The following ENOSF1 variants were observed in gnomAD, a reference collection of about 807,000 sequenced individuals.
ENOSF1 encodes the protein enolase superfamily member 1, also known as mitochondrial enolase superfamily member 1.
ENOSF1 carries 73 observed loss-of-function variants against 68.2 expected under a neutral mutation model. The ratio of observed to expected loss-of-function variants is 1.07; its 90% CI spans 0.89 to 1.30. The LOEUF (loss-of-function observed/expected upper bound fraction) is 1.30. ENOSF1 is among the 50% of genes most tolerant of loss of function. The probability of loss-of-function intolerance (pLI) is 0.00; values close to 1 mark genes in which losing one functional copy is unlikely to be tolerated. For missense variants in ENOSF1, 589 were observed against 554.5 expected (o/e 1.06, Z -0.62); for synonymous variants, 223 against 210.4 (o/e 1.06, Z -0.52).
chr18:697,478 C>T lies in ENOSF1; in HGVS notation c.194-123G>A, dbSNP rs1244370416. The T allele has an allele frequency of 1.2e-5, 9 of 748,696 alleles. No individual in the cohort carries two copies. In the Admixed American group the frequency reaches 1.5e-4, roughly 13 times the overall value. The allele number at this position is 748,696 out of a possible 1,614,324, so 46.4% of individuals were successfully genotyped here. A position where few individuals can be genotyped will look rare whatever the true frequency, so the allele number is the denominator to read the frequency against. On this transcript the variant is annotated intron_variant, in intron 2 of 15. Transcript: ENST00000647584. ...GAAAAAATTAAATCTAGGCCAGGCG[C>T]GGTGGCTCATGCCTGTAATCTCAAC...
At position 686,346 on chromosome 18, in the gene ENOSF1, C is replaced by T. The variant is rs193188668; in HGVS notation, c.654-338G>A. On this transcript the variant is annotated intron_variant, in intron 9 of 15. Coordinates refer to ENST00000647584, the MANE Select transcript of ENOSF1 (RefSeq NM_017512.7). ...CCACAGTGAGAACTGAAGAGGAGAG[C>T]GGGGCTGAAAAGGGGTGCCGAGTAA... is the stretch of plus-strand genomic sequence containing the variant. The T allele has an allele frequency of 7.0e-5, 19 of 270,492 alleles. No homozygotes were observed. In the South Asian group the frequency reaches 7.1e-4, roughly 10 times the overall value. 16.8% of individuals were successfully genotyped at this position (270,492 alleles called of 1,614,324 possible).
chr18:686,110 A>G, intron 9 of ENOSF1, 102 bp from the exon 10 acceptor site: 10 of 836,830 alleles, frequency 1.2e-5, no homozygotes, highest in South Asian at 2.8e-5. Flanking sequence ...CAATTCACAG[A>G]TATGTTTTTT....
rs763566289 is a variant in ENOSF1, at chr18:683,377, T to A, written c.745A>T (p.Met249Leu). The part of the protein sequence containing the change: ...DMIGPEKTLM[M>L]DANQRWDVPE... ...ACATCCCAGCGCTGGTTGGCATCCATCATCTGCAAAAAGAGACTCTTCACA... is the reference window on the plus strand; with the variant it reads ...ACATCCCAGCGCTGGTTGGCATCCAACATCTGCAAAAAGAGACTCTTCACA... Residue 249 changes from methionine to leucine, a missense_variant, in exon 11 of 16, where the codon ATG (methionine) becomes TTG (leucine). Transcript: ENST00000647584. 1 of 1,613,924 alleles carries A rather than the reference T, an allele frequency of 6.2e-7. No homozygotes were observed. The highest frequency in any genetic ancestry group is 2.2e-5 in the East Asian group (1 of 44,840).
downstream of ENOSF1, among the ~76,000 whole-genome samples, chr18:668,421 A>C (rs2144329551): frequency 6.6e-6 from 1 of 152,328 alleles, no homozygotes; most frequent in Middle Eastern, 3.4e-3. Context: ...CTCAGAAGGA[A>C]GGAAAGGGAT....
chr18:697,089 C>T (rs759867967), intron 3 of ENOSF1, 151 bp downstream of exon 3: 6 of 647,028 alleles, frequency 9.3e-6, no homozygotes, highest in African/African-American at 5.5e-5. Context: ...TGCACTCCAA[C>T]GTGGGTGACA....
chr18:690,872 A>G (rs2077086761), intron 7 of ENOSF1, 196 bp downstream of exon 7: 1 of 1,322,002 alleles, frequency 7.6e-7, no homozygotes, highest in Non-Finnish European at 1.0e-6. Context: ...ACTTCCTTTC[A>G]GCAGTGGCTG....
rs1244743858 is a variant in ENOSF1 at position 671,748 on chromosome 18, C to T, written c.*2557G>A. The stretch of plus-strand genomic sequence containing the variant: ...AAGGGGGCATTTTAACTCATTTTAA[C>T]TTGAAGGAGAATTGAAGTGCAAATG... On this transcript the variant is annotated 3_prime_UTR_variant, in exon 16 of 16. Coordinates refer to ENST00000647584, the MANE Select transcript of ENOSF1 (RefSeq NM_017512.7). 1.6e-5 allele frequency: 6 copies of T among 386,496 alleles called. No individual in the cohort carries two copies. Among genetic ancestry groups the T allele is most frequent in the African/African-American group, 1.3e-4 (6 of 46,396 alleles). The allele number at this position is 386,496 out of a possible 1,614,324, so 23.9% of individuals were successfully genotyped here.
In ENOSF1 at chr18:671,488, T is replaced by C; in HGVS notation, c.*2817A>G. On this transcript the variant is annotated 3_prime_UTR_variant, in exon 16 of 16. Transcript: ENST00000647584. Reference sequence around the variant, plus strand: ...ATGTTATACTTTTGGGTTTGGTACCTTCTCTTGATAAAAGGTTGACTGTGG... The same window carrying C: ...ATGTTATACTTTTGGGTTTGGTACCCTCTCTTGATAAAAGGTTGACTGTGG... 7.5e-7 allele frequency: 1 copy of C among 1,336,928 alleles called. No individual in the cohort carries two copies. The highest frequency in any genetic ancestry group is 1.1e-6 in the Non-Finnish European group (1 of 928,354). 82.8% of individuals were successfully genotyped at this position (1,336,928 alleles called of 1,614,324 possible).
downstream of ENOSF1, chr18:669,145 AATC>A: frequency 1.9e-6 from 3 of 1,613,528 alleles, no homozygotes; most frequent in Non-Finnish European, 2.5e-6. Flanking sequence ...ACGACAGAAG[AATC>A]ATCATGTGCG....
At position 671,171 on chromosome 18, in the gene ENOSF1, CTG is replaced by C; in HGVS notation, c.*3132_*3133del. The C allele has an allele frequency of 1.6e-6, 1 of 611,552 alleles. No homozygotes were observed. The allele number at this position is 611,552 out of a possible 1,614,324, so 37.9% of individuals were successfully genotyped here. ...CCTGTAATCCCAGCACTTTGGGAGA[CTG>C]AGACAGGAGCAATTGCTTGAGGTCT... On this transcript the variant is annotated 3_prime_UTR_variant, in exon 16 of 16. Transcript: ENST00000647584.
At chr18:692,273 C>A (rs1256326036) in intron 5 of ENOSF1, 4 of 152,076 alleles carry the variant, frequency 2.6e-5, no homozygotes, top group African/African-American at 9.7e-5. Flanking sequence ...CCATAACTGT[C>A]GAAAATCCTA....
chr18:681,527 G>A (rs1463814125), intron 11 of ENOSF1, among the ~76,000 whole-genome samples: 6 of 152,196 alleles, frequency 3.9e-5, no homozygotes, highest in South Asian at 2.1e-4. Flanking sequence ...TGGGACCCAA[G>A]GTGAAAAGTC....
Position 673,233 on chromosome 18 carries a change from T to C in ENOSF1, c.*1072A>G, listed in dbSNP as rs149631628. 8.3e-6 allele frequency: 3 copies of C among 362,482 alleles called. No homozygotes were observed. Among genetic ancestry groups the C allele is most frequent in the Non-Finnish European group, 1.5e-5 (3 of 201,678 alleles). 22.5% of individuals were successfully genotyped at this position (362,482 alleles called of 1,614,324 possible). The stretch of plus-strand genomic sequence containing the variant: ...AGGGTATCTGACAATGCTGAGGTTA[T>C]GAACAAAGTGAGGAGAATGAAATGT... On this transcript the variant is annotated 3_prime_UTR_variant, in exon 16 of 16. Transcript: ENST00000647584.
Position 688,601 on chromosome 18 carries a change from G to C in ENOSF1, c.626C>G (p.Ala209Gly). The C allele has an allele frequency of 6.2e-7, 1 of 1,614,030 alleles. No homozygotes were observed. The highest frequency in any genetic ancestry group is 8.5e-7 in the Non-Finnish European group (1 of 1,179,984). The change falls in exon 9 of 16, where the codon GCC (alanine) becomes GGC (glycine). Residue 209 changes from alanine to glycine, a missense_variant. By Grantham distance (60) the Ala-to-Gly change is moderately conservative. Transcript: ENST00000647584. ...YSDDTLKQLC[A>G]QALKDGWTRF... is the part of the protein sequence containing the mutation. Reference sequence around the variant, plus strand: ...GGTCCAGCCATCCTTCAGCGCCTGGGCACAGAGCTGTGGGAAAGGAGCACA... The same window carrying C: ...GGTCCAGCCATCCTTCAGCGCCTGGCCACAGAGCTGTGGGAAAGGAGCACA...
At chr18:684,134 C>G (rs2076387707) in intron 10 of ENOSF1, among the ~76,000 whole-genome samples, 1 of 151,926 alleles carries the variant, frequency 6.6e-6, no homozygotes, top group Non-Finnish European at 1.5e-5. Context: ...GCTGGGACTA[C>G]AGGCGCCCAC....
the ENOSF1 span, among the ~76,000 whole-genome samples, chr18:664,617 C>T: frequency 7.2e-6 from 1 of 139,718 alleles, no homozygotes; most frequent in African/African-American, 2.8e-5. Context: ...GGAATGCTTC[C>T]AGTTTTTGCC....
downstream of ENOSF1, among the ~76,000 whole-genome samples, chr18:667,053 AGATGGAGATGGTGATGGT>A (rs1567989888): frequency 1.2e-4 from 3 of 25,446 alleles, 1 homozygote; most frequent in African/African-American, 3.4e-4. Context: ...ATGGTGATGG[AGATGGAGATGGTGATGGT>A]GATGGAGATG....
chr18:664,510 TC>T, the ENOSF1 span, among the ~76,000 whole-genome samples: 2 of 139,196 alleles, frequency 1.4e-5, no homozygotes, highest in Non-Finnish European at 3.1e-5. Flanking sequence ...ACCCTTTATT[TC>T]CTTCTCCTGC....
chr18:701,698 A>G (rs2078360340), intron 2 of ENOSF1, among the ~76,000 whole-genome samples: 1 of 151,256 alleles, frequency 6.6e-6, no homozygotes, highest in Non-Finnish European at 1.5e-5. Context: ...CAGAGCTTGC[A>G]GTGAGCTGAG....
Sources: gnomAD v4.1 joint callset for allele counts (sites outside exome capture counted in the v4.1 genomes callset) on GRCh38, gnomAD v4.1.1 for gene constraint, MANE v1.5 for transcripts, NCBI Gene and HGNC (gene_info 2026-07-23, HGNC 2026-07-21) for gene names.